The following ZNF407 variants were observed in gnomAD, a reference collection of about 807,000 sequenced individuals.
ZNF407 encodes the protein zinc finger protein 407.
In ZNF407, 17 loss-of-function variants were observed where a neutral mutation model predicts 131.2. That is an observed-to-expected ratio of 0.13 (90% confidence interval 0.09 to 0.19). The LOEUF is 0.19. ZNF407 is among the 10% of genes least tolerant of loss of function. The pLI is 1.00. For missense variants in ZNF407, 2,681 were observed against 2,830.6 expected (o/e 0.95, Z 1.20); for synonymous variants, 1,156 against 1,062.0 (o/e 1.09, Z -1.72).
intron 3 of ZNF407, among the ~76,000 whole-genome samples, chr18:74,648,387 G>A (rs1377741056): frequency 1.3e-5 from 2 of 152,160 alleles, no homozygotes; most frequent in Non-Finnish European, 2.9e-5. Context: ...GGTGAGGTGG[G>A]CAGGGGTCAG....
intron 8 of ZNF407, among the ~76,000 whole-genome samples, chr18:75,023,319 C>T (rs757774629): frequency 3.3e-5 from 5 of 152,086 alleles, no homozygotes; most frequent in Non-Finnish European, 7.4e-5. Context: ...TAGCATATGT[C>T]ATATATTAAT....
At chr18:74,971,041 C>T (rs1459346740) in intron 8 of ZNF407, among the ~76,000 whole-genome samples, 11 of 152,254 alleles carry the variant, frequency 7.2e-5, no homozygotes, top group Admixed American at 6.5e-4. Flanking sequence ...GGGGTTTTCA[C>T]CCTCTGAAGC....
At chr18:74,904,404 G>T (rs1971568373) in intron 7 of ZNF407, among the ~76,000 whole-genome samples, 2 of 152,168 alleles carry the variant, frequency 1.3e-5, no homozygotes, top group South Asian at 4.1e-4. Flanking sequence ...TAAAGAAAAA[G>T]AATCAGGGAG....
Position 74,635,225 on chromosome 18 carries a change from A to T in ZNF407, c.4206A>T (p.Lys1402Asn), listed in dbSNP as rs1396825734. Reference sequence around the variant, plus strand: ...GTGCTCAAGGTGTGAAAAAGAAGAAATCTGAGGGCAGTTCCATTGGTGAGT... The same window carrying T: ...GTGCTCAAGGTGTGAAAAAGAAGAATTCTGAGGGCAGTTCCATTGGTGAGT... ...KDCAQGVKKK[K>N]SEGSSIGEST... Residue 1402 changes from lysine to asparagine, a missense_variant, in exon 2 of 9, where the codon AAA (lysine) becomes AAT (asparagine). Lys to Asn is a moderately conservative substitution (Grantham distance 94). Coordinates refer to ENST00000299687, the MANE Select transcript of ZNF407 (RefSeq NM_017757.3). The surrounding 1 kb of genome is among the most constrained non-coding windows in gnomAD (Gnocchi z 4.7). 1 of 1,613,788 alleles carries T rather than the reference A, an allele frequency of 6.2e-7. No individual in the cohort carries two copies. Among genetic ancestry groups the T allele is most frequent in the South Asian group, 1.1e-5 (1 of 91,064 alleles).
At chr18:74,713,990 A>C (rs565827302) in intron 3 of ZNF407, among the ~76,000 whole-genome samples, 151 of 152,360 alleles carry the variant, frequency 9.9e-4, no homozygotes, top group African/African-American at 3.6e-3. Context: ...GTTAACATTC[A>C]GAAATCTTAG....
chr18:74,905,402 T>G (rs1382118992), intron 7 of ZNF407: 1 of 152,252 alleles, frequency 6.6e-6, no homozygotes, highest in Non-Finnish European at 1.5e-5. Flanking sequence ...GCGCAGCGCC[T>G]GCTGTTCAGG....
intron 4 of ZNF407, among the ~76,000 whole-genome samples, chr18:74,835,629 G>GGTGT (rs60463192): frequency 0.023 from 2,129 of 92,114 alleles, 21 homozygotes; most frequent in South Asian, 0.037. Flanking sequence ...GACAGAGGGG[G>GGTGT]GTGTGTGTGT....
chr18:74,772,484 C>G (rs554189240), intron 3 of ZNF407, among the ~76,000 whole-genome samples: 4 of 152,226 alleles, frequency 2.6e-5, no homozygotes, highest in African/African-American at 9.6e-5. Flanking sequence ...CTTTTAAAAT[C>G]TAAGCTATCA....
At chr18:74,723,184 G>A (rs1240329283) in intron 3 of ZNF407, among the ~76,000 whole-genome samples, 7 of 151,890 alleles carry the variant, frequency 4.6e-5, no homozygotes, top group African/African-American at 1.4e-4. Context: ...TTTCTTATTT[G>A]TTGAGATTTT....
intron 3 of ZNF407, among the ~76,000 whole-genome samples, chr18:74,726,033 G>A (rs1053745832): frequency 1.3e-5 from 2 of 152,142 alleles, no homozygotes; most frequent in Non-Finnish European, 2.9e-5. Flanking sequence ...TAGACACATT[G>A]TGCCCAGCTA....
At chr18:75,057,524 G>A (rs1405603038) in intron 8 of ZNF407, among the ~76,000 whole-genome samples, 3 of 152,118 alleles carry the variant, frequency 2.0e-5, no homozygotes, top group African/African-American at 7.2e-5. Flanking sequence ...ACTTGCCACA[G>A]ATGAGATGAA....
chr18:74,823,335 T>G (rs574960513), intron 4 of ZNF407, among the ~76,000 whole-genome samples: 48 of 152,354 alleles, frequency 3.2e-4, no homozygotes, highest in African/African-American at 1.1e-3. Flanking sequence ...AGCATCATTA[T>G]GACAGGATCA....
rs142915927 is a variant in ZNF407 at position 74,928,641 on chromosome 18, G to T, written c.5428+7949G>T. Among the ~76,000 whole-genome samples, 497 of 152,312 alleles carry T rather than the reference G, an allele frequency of 3.3e-3. 6 individuals are homozygous for T. In the South Asian group the frequency reaches 0.033, roughly 10 times the overall value. On this transcript the variant is annotated intron_variant, in intron 8 of 8. Coordinates refer to ENST00000299687, the MANE Select transcript of ZNF407 (RefSeq NM_017757.3). Reference sequence around the variant, plus strand: ...ATCTGTCATGTAATGCTATACCAGAGTCAGGTGGGAGTTGAATATCTTCTT... The same window carrying T: ...ATCTGTCATGTAATGCTATACCAGATTCAGGTGGGAGTTGAATATCTTCTT...
chr18:74,992,615 T>G (rs1599282968), intron 8 of ZNF407, among the ~76,000 whole-genome samples: 1 of 152,290 alleles, frequency 6.6e-6, no homozygotes, highest in East Asian at 1.9e-4. Flanking sequence ...TCACGGAAGG[T>G]GGACCTTCAG....
In ZNF407 at chr18:74,992,297, T is replaced by TG. The variant is rs1972727787; in HGVS notation, c.5429-70848dup. 2.6e-5 allele frequency among the ~76,000 whole-genome samples: 4 copies of TG among 151,942 alleles called. No individual in the cohort carries two copies. The South Asian group carries it at 8.3e-4, about 32-fold the overall frequency. ...AAGAAAAGACAGTGGAGAAAAATAG[T>TG]GGGGGTTGGGAGTTCTGGAGATGGC... On this transcript the variant is annotated intron_variant, in intron 8 of 8. Coordinates refer to ENST00000299687, the MANE Select transcript of ZNF407 (RefSeq NM_017757.3).
At chr18:74,603,596 C>T (rs1394405714) in intron 1 of ZNF407, among the ~76,000 whole-genome samples, 1 of 152,218 alleles carries the variant, frequency 6.6e-6, no homozygotes, top group Non-Finnish European at 1.5e-5. Context: ...GTAGCTTAGG[C>T]TTAGGTCTCC....
chr18:74,918,263 G>C (rs189616088), intron 7 of ZNF407, among the ~76,000 whole-genome samples: 2 of 152,282 alleles, frequency 1.3e-5, no homozygotes, highest in Admixed American at 1.3e-4. Flanking sequence ...TGGTGTACTT[G>C]AAAACATACC....
At chr18:74,718,130 C>G (rs1967939639) in intron 3 of ZNF407, among the ~76,000 whole-genome samples, 1 of 152,030 alleles carries the variant, frequency 6.6e-6, no homozygotes, top group Non-Finnish European at 1.5e-5. Context: ...CAATTCTATA[C>G]ACCTCTGAAA....
intron 4 of ZNF407, among the ~76,000 whole-genome samples, chr18:74,839,438 T>G (rs1281699505): frequency 6.6e-6 from 1 of 152,246 alleles, no homozygotes. Flanking sequence ...GCAGTTTACA[T>G]GCAGAATTTT....
Sources: gnomAD v4.1 joint callset for allele counts (sites outside exome capture counted in the v4.1 genomes callset) on GRCh38, gnomAD v4.1.1 for gene constraint, Gnocchi (gnomAD v3.1) non-coding constraint, MANE v1.5 for transcripts, NCBI Gene and HGNC (gene_info 2026-07-23, HGNC 2026-07-21) for gene names.